Variants in ESRRG observed in about 807,000 individuals in gnomAD.
ESRRG encodes the protein estrogen related receptor gamma.
A neutral mutation model predicts 44.0 loss-of-function variants in ESRRG; 13 were observed. The ratio of observed to expected loss-of-function variants is 0.30; its 90% CI spans 0.19 to 0.47. The LOEUF is 0.47. Among genes scored for constraint, ESRRG ranks in the 20% least tolerant of loss-of-function variants. The pLI, the probability that ESRRG is intolerant of heterozygous loss-of-function variation, is 1.00. For missense variants in ESRRG, 395 were observed against 580.6 expected, an observed-to-expected ratio of 0.68 and a Z score of 3.29; for synonymous variants, 215 against 214.6, an observed-to-expected ratio of 1.00 and a Z score of -0.02.
chr1:216,961,702 C>T (rs1008696817), intron 1 of ESRRG, among the ~76,000 whole-genome samples: 2 of 151,896 alleles, frequency 1.3e-5, no homozygotes, highest in Non-Finnish European at 2.9e-5. Flanking sequence ...TAAACAAAGG[C>T]TACTAACTAT....
chr1:216,844,247 A>C (rs1001823079), intron 2 of ESRRG, among the ~76,000 whole-genome samples: 1 of 152,114 alleles, frequency 6.6e-6, no homozygotes, highest in African/African-American at 2.4e-5. Context: ...GGTTGGTTAA[A>C]GTAAAAGTTC....
chr1:216,660,076 A>G (rs2071865889), intron 2 of ESRRG, among the ~76,000 whole-genome samples: 1 of 152,202 alleles, frequency 6.6e-6, no homozygotes, highest in Non-Finnish European at 1.5e-5. Context: ...AAAATAACAC[A>G]GACTTATAGG....
In ESRRG at chr1:216,631,666, C is replaced by T. The variant is rs187042407; in HGVS notation, c.589+19307G>A. On this transcript the variant is annotated intron_variant, in intron 3 of 6. Coordinates refer to ENST00000408911, the MANE Select transcript of ESRRG (RefSeq NM_001438.4). Reference sequence around the variant, plus strand: ...ATATGTACGTATATAAGTATATATACGATATATAAAATACATACCACACAT... The same window carrying T: ...ATATGTACGTATATAAGTATATATATGATATATAAAATACATACCACACAT... Among the ~76,000 whole-genome samples the T allele has an allele frequency of 3.6e-4, 55 of 151,802 alleles. No homozygotes were observed. The East Asian group carries it at 9.9e-3, about 27-fold the overall frequency.
At chr1:217,101,482 C>T (rs927360729) in intron 1 of ESRRG, among the ~76,000 whole-genome samples, 1 of 152,308 alleles carries the variant, frequency 6.6e-6, no homozygotes, top group African/African-American at 2.4e-5. Context: ...ACCATTAGTA[C>T]ATAGATGCCC....
At chr1:216,857,563 T>G (rs964902031) in intron 2 of ESRRG, among the ~76,000 whole-genome samples, 2 of 151,938 alleles carry the variant, frequency 1.3e-5, no homozygotes, top group Admixed American at 1.3e-4. Context: ...AAAAGTATTC[T>G]TTAAAAATGC....
chr1:216,629,426 AT>A (rs770822483), intron 3 of ESRRG, among the ~76,000 whole-genome samples: 1 of 152,164 alleles, frequency 6.6e-6, no homozygotes, highest in Non-Finnish European at 1.5e-5. Flanking sequence ...TGAGAAGCAA[AT>A]TTAAGACATA....
intron 2 of ESRRG, among the ~76,000 whole-genome samples, chr1:216,737,243 G>A (rs954276): frequency 0.12 from 18,159 of 152,106 alleles, 1,141 homozygotes; most frequent in South Asian, 0.19. Flanking sequence ...GGTGGAGACA[G>A]ATATGGTGAC....
intron 2 of ESRRG, among the ~76,000 whole-genome samples, chr1:216,913,978 C>T (rs1056087182): frequency 1.3e-5 from 2 of 152,090 alleles, no homozygotes; most frequent in Admixed American, 1.3e-4. Flanking sequence ...AAACAGCAAA[C>T]TACATTATTA....
chr1:217,015,630 G>A (rs1474612343), intron 1 of ESRRG, among the ~76,000 whole-genome samples: 1 of 151,970 alleles, frequency 6.6e-6, no homozygotes. Flanking sequence ...TATACAAGAT[G>A]CAAGAGAGTT....
At chr1:217,035,123 T>C (rs998076898) in intron 1 of ESRRG, among the ~76,000 whole-genome samples, 3 of 152,050 alleles carry the variant, frequency 2.0e-5, no homozygotes, top group Non-Finnish European at 2.9e-5. Flanking sequence ...AGTTTCATCA[T>C]TGTTGAAGTA....
At chr1:216,569,459 T>C (rs779982331) in intron 3 of ESRRG, among the ~76,000 whole-genome samples, 2 of 152,086 alleles carry the variant, frequency 1.3e-5, no homozygotes, top group Non-Finnish European at 2.9e-5. Context: ...AAGGGGATTT[T>C]CTGGCAGCGG....
At chr1:217,079,213 T>G (rs2091555589) in intron 1 of ESRRG, among the ~76,000 whole-genome samples, 1 of 152,222 alleles carries the variant, frequency 6.6e-6, no homozygotes, top group African/African-American at 2.4e-5. Flanking sequence ...AGTCATTGGT[T>G]AACCACTTCA....
At chr1:216,572,738 C>A (rs550330305) in intron 3 of ESRRG, among the ~76,000 whole-genome samples, 1 of 152,032 alleles carries the variant, frequency 6.6e-6, no homozygotes, top group African/African-American at 2.4e-5. Flanking sequence ...TTTCTTCTTA[C>A]TAAAAAGCAA....
At chr1:216,794,227 G>T (rs1026336599) in intron 2 of ESRRG, among the ~76,000 whole-genome samples, 2 of 152,138 alleles carry the variant, frequency 1.3e-5, no homozygotes, top group Admixed American at 6.6e-5. Flanking sequence ...TGACGTAAGT[G>T]TAAAAGAAAG....
intron 1 of ESRRG, among the ~76,000 whole-genome samples, chr1:217,105,536 G>A (rs2092580667): frequency 6.6e-6 from 1 of 152,124 alleles, no homozygotes. Flanking sequence ...TGCTGACCCT[G>A]TGCCTGGGTC....
At chr1:217,018,691 G>A (rs2150890477) in intron 1 of ESRRG, among the ~76,000 whole-genome samples, 1 of 152,168 alleles carries the variant, frequency 6.6e-6, no homozygotes, top group East Asian at 1.9e-4. Flanking sequence ...TGCTATGACT[G>A]TCCTTCCCCA....
intron 3 of ESRRG, among the ~76,000 whole-genome samples, chr1:216,611,755 ATG>A (rs904172177): frequency 6.6e-6 from 1 of 150,706 alleles, no homozygotes; most frequent in African/African-American, 2.5e-5. Context: ...TGCTAGAGGT[ATG>A]TAAAAAAAAA....
chr1:217,120,871 A>G (rs1162050306), intron 1 of ESRRG, among the ~76,000 whole-genome samples: 1 of 152,028 alleles, frequency 6.6e-6, no homozygotes, highest in Non-Finnish European at 1.5e-5. Context: ...GCAATTTCAC[A>G]TTTGTCTGTG....
chr1:216,637,056 C>T (rs1305359378), intron 3 of ESRRG, among the ~76,000 whole-genome samples: 1 of 152,074 alleles, frequency 6.6e-6, no homozygotes, highest in Non-Finnish European at 1.5e-5. Context: ...TGTTCATGGA[C>T]CACAAATTTG....
Sources: gnomAD v4.1 joint callset for allele counts (sites outside exome capture counted in the v4.1 genomes callset) on GRCh38, gnomAD v4.1.1 for gene constraint, MANE v1.5 for transcripts, NCBI Gene and HGNC (gene_info 2026-07-23, HGNC 2026-07-21) for gene names.